CSGALNACT1: variants seen among roughly 807,000 people sequenced by gnomAD.
CSGALNACT1 encodes beta4GalNAcT-1.
CSGALNACT1 carries 52 observed loss-of-function variants against 51.0 expected under a neutral mutation model. That is an observed-to-expected ratio of 1.02 (90% CI 0.82 to 1.29). The LOEUF (loss-of-function observed/expected upper bound fraction) is 1.29, where lower values mean the gene tolerates loss of function less well. Among genes scored for constraint, CSGALNACT1 ranks in the 50% most tolerant of loss-of-function variants. The pLI, the probability that CSGALNACT1 is intolerant of heterozygous loss-of-function variation, is 0.00. For synonymous variants in CSGALNACT1, 341 were observed against 254.4 expected, an observed-to-expected ratio of 1.34 and a Z score of -3.24; for missense variants, 935 against 679.2, an observed-to-expected ratio of 1.38 and a Z score of -4.19.
intron 4 of CSGALNACT1, among the ~76,000 whole-genome samples, chr8:19,461,298 G>T (rs536484150): frequency 1.3e-5 from 2 of 152,216 alleles, no homozygotes; most frequent in African/African-American, 2.4e-5. Context: ...GCTCACTGAG[G>T]CAACAGGCTC....
chr8:19,456,364 G>T (rs1433308772), intron 5 of CSGALNACT1, among the ~76,000 whole-genome samples: 2 of 152,132 alleles, frequency 1.3e-5, no homozygotes, highest in Admixed American at 1.3e-4. Context: ...CAAAGCTCAG[G>T]ACCCTGAACC....
upstream of CSGALNACT1, among the ~76,000 whole-genome samples, chr8:19,606,406 A>G (rs2051374766): frequency 6.6e-6 from 1 of 152,236 alleles, no homozygotes. Flanking sequence ...TTCTCAAGAT[A>G]TGTCTCAGAA....
Position 19,634,538 on chromosome 8 carries a change from G to A in CSGALNACT1, c.-543-32673C>T, listed in dbSNP as rs186582714. Among the ~76,000 whole-genome samples the A allele has an allele frequency of 1.5e-3, 230 of 152,258 alleles. 1 individual carries two copies. Among genetic ancestry groups the A allele is most frequent in the Middle Eastern group, 3.4e-3 (1 of 294 alleles). ...TGAACTTGATATGGTGATGCACACC[G>A]GTAGTCCCAGCTACTCAGGAGGCTG... On this transcript the variant is annotated intron_variant, in intron 1 of 9. Coordinates refer to the CSGALNACT1 transcript ENST00000332246.
chr8:19,516,785 C>A (rs2079607918), intron 3 of CSGALNACT1, among the ~76,000 whole-genome samples: 1 of 152,254 alleles, frequency 6.6e-6, no homozygotes, highest in South Asian at 2.1e-4. Context: ...GGCCCTTAGG[C>A]TTCCATGATG....
chr8:19,496,421 A>G (rs2075462897), intron 4 of CSGALNACT1, among the ~76,000 whole-genome samples: 1 of 152,208 alleles, frequency 6.6e-6, no homozygotes, highest in Non-Finnish European at 1.5e-5. Flanking sequence ...ACTCTGCTTG[A>G]TGGTTGGAAC....
intron 6 of CSGALNACT1, among the ~76,000 whole-genome samples, chr8:19,438,312 G>T (rs377755099): frequency 2.0e-5 from 3 of 152,280 alleles, no homozygotes; most frequent in East Asian, 1.9e-4. Context: ...AAACTTTAAA[G>T]AACCCCTATC....
intron 1 of CSGALNACT1, among the ~76,000 whole-genome samples, chr8:19,746,309 C>A (rs2154251736): frequency 6.6e-6 from 1 of 152,038 alleles, no homozygotes; most frequent in East Asian, 1.9e-4. Context: ...CAGTAGAAGT[C>A]CAAAACTAGA....
At chr8:19,464,533 T>G (rs1470532758) in intron 4 of CSGALNACT1, among the ~76,000 whole-genome samples, 1 of 152,074 alleles carries the variant, frequency 6.6e-6, no homozygotes, top group Non-Finnish European at 1.5e-5. Flanking sequence ...AACTACTGAT[T>G]CCAGGGGTCC....
upstream of CSGALNACT1, among the ~76,000 whole-genome samples, chr8:19,684,806 A>T (rs2060882073): frequency 6.6e-6 from 1 of 152,340 alleles, no homozygotes; most frequent in Non-Finnish European, 1.5e-5. Flanking sequence ...AAGAACGTGA[A>T]TCTCCAAAGT....
intron 1 of CSGALNACT1, among the ~76,000 whole-genome samples, chr8:19,617,489 T>G (rs904282578): frequency 1.3e-5 from 2 of 152,208 alleles, no homozygotes; most frequent in Admixed American, 6.5e-5. Context: ...TTTTCTTTAT[T>G]CTATGCTCTC....
chr8:19,662,071 C>CCA (rs2058797324), intron 1 of CSGALNACT1, among the ~76,000 whole-genome samples: 2 of 49,116 alleles, frequency 4.1e-5, no homozygotes, highest in African/African-American at 1.4e-4. Context: ...CCCACCCCCC[C>CCA]CCACCCCCCC....
chr8:19,611,168 C>G (rs549884319), intron 1 of CSGALNACT1, among the ~76,000 whole-genome samples: 2 of 152,336 alleles, frequency 1.3e-5, no homozygotes, highest in South Asian at 4.1e-4. Context: ...CTATACTAGA[C>G]ACAGGAGACT....
chr8:19,485,682 T>G (rs535580221), intron 4 of CSGALNACT1, among the ~76,000 whole-genome samples: 1 of 148,994 alleles, frequency 6.7e-6, no homozygotes, highest in Non-Finnish European at 1.5e-5. Context: ...TCCCTTTTAC[T>G]TCAAATATTC....
chr8:19,636,107 G>A (rs1336995459), intron 1 of CSGALNACT1, among the ~76,000 whole-genome samples: 1 of 152,148 alleles, frequency 6.6e-6, no homozygotes, highest in Non-Finnish European at 1.5e-5. Context: ...CCGCTTATCA[G>A]CGGTTCACTT....
chr8:19,730,687 C>T (rs1470333506), intron 1 of CSGALNACT1, among the ~76,000 whole-genome samples: 2 of 152,218 alleles, frequency 1.3e-5, no homozygotes, highest in East Asian at 1.9e-4. Context: ...CATCCAGTGA[C>T]GGAGTTGCCT....
At chr8:19,473,534 C>T (rs1005823702) in intron 4 of CSGALNACT1, among the ~76,000 whole-genome samples, 14 of 152,162 alleles carry the variant, frequency 9.2e-5, no homozygotes, top group South Asian at 4.1e-4. Flanking sequence ...TGCAGCCTAA[C>T]CCTGGCTTCA....
intron 3 of CSGALNACT1, among the ~76,000 whole-genome samples, chr8:19,581,435 G>A (rs549141798): frequency 6.6e-6 from 1 of 152,258 alleles, no homozygotes; most frequent in East Asian, 1.9e-4. Context: ...TATATTTGTG[G>A]CAGAATTGTG....
At chr8:19,737,286 G>T (rs2064039165) in intron 1 of CSGALNACT1, among the ~76,000 whole-genome samples, 2 of 152,004 alleles carry the variant, frequency 1.3e-5, no homozygotes, top group Non-Finnish European at 2.9e-5. Context: ...GAGTCTAGGA[G>T]GCAAGAAGAA....
chr8:19,422,055 A>AC (rs1427879870), intron 6 of CSGALNACT1, among the ~76,000 whole-genome samples: 1 of 152,090 alleles, frequency 6.6e-6, no homozygotes, highest in African/African-American at 2.4e-5. Flanking sequence ...AAGTCACTCT[A>AC]CCCCTTTTGT....
Sources: allele counts gnomAD v4.1 joint callset (sites outside exome capture counted in the v4.1 genomes callset), GRCh38; gene constraint gnomAD v4.1.1; transcripts MANE v1.5; gene names NCBI Gene and HGNC (gene_info 2026-07-23, HGNC 2026-07-21).